The following GRIP1 variants were observed in gnomAD, a reference collection of about 807,000 sequenced individuals.
GRIP1 encodes the protein glutamate receptor-interacting protein 1.
A neutral mutation model predicts 129.9 loss-of-function variants in GRIP1; 45 were observed. The observed-to-expected ratio is 0.35, with a 90% CI of 0.27 to 0.44. The LOEUF is 0.44. GRIP1 is among the 20% of genes least tolerant of loss of function. GRIP1 has a pLI of 1.00. For missense variants in GRIP1, 1,196 were observed against 1,396.8 expected, an observed-to-expected ratio of 0.86 and a Z score of 2.29; for synonymous variants, 530 against 520.8, an observed-to-expected ratio of 1.02 and a Z score of -0.24.
chr12:66,626,244 G>A (rs559189427), intron 1 of GRIP1, among the ~76,000 whole-genome samples: 2 of 151,912 alleles, frequency 1.3e-5, no homozygotes, highest in East Asian at 3.9e-4. Context: ...GGAGGCTGAG[G>A]TGGGTGAATT....
chr12:66,426,445 T>C (rs2057990336), intron 14 of GRIP1, among the ~76,000 whole-genome samples: 2 of 152,154 alleles, frequency 1.3e-5, no homozygotes, highest in South Asian at 4.1e-4. Flanking sequence ...TTTCCCCCTC[T>C]GAATGTCATT....
chr12:66,553,711 C>T (rs75344639), intron 2 of GRIP1, among the ~76,000 whole-genome samples: 49 of 152,056 alleles, frequency 3.2e-4, no homozygotes, highest in South Asian at 6.3e-4. Flanking sequence ...TTCCCCATCC[C>T]GCATGTCTCA....
At chr12:66,908,522 G>A (rs554470339) in intron 1 of GRIP1, among the ~76,000 whole-genome samples, 21 of 152,272 alleles carry the variant, frequency 1.4e-4, no homozygotes, top group Non-Finnish European at 2.4e-4. Flanking sequence ...AATGGTAATG[G>A]GGTAGACACT....
chr12:66,481,236 A>C (rs2059795523), intron 7 of GRIP1, among the ~76,000 whole-genome samples: 1 of 144,906 alleles, frequency 6.9e-6, no homozygotes, highest in Admixed American at 7.0e-5. Flanking sequence ...ACAAAAAAAA[A>C]AAAACAAATT....
At chr12:66,616,936 C>T (rs1268032348) in intron 1 of GRIP1, among the ~76,000 whole-genome samples, 1 of 151,994 alleles carries the variant, frequency 6.6e-6, no homozygotes, top group African/African-American at 2.4e-5. Flanking sequence ...ATCAAAATAC[C>T]CATCTACTAG....
At chr12:66,530,251 T>G (rs1442250208) in intron 4 of GRIP1, among the ~76,000 whole-genome samples, 1 of 152,222 alleles carries the variant, frequency 6.6e-6, no homozygotes, top group Non-Finnish European at 1.5e-5. Flanking sequence ...AGTAGAATTG[T>G]TTTCCTTTTG....
intron 4 of GRIP1, among the ~76,000 whole-genome samples, chr12:66,538,530 A>G (rs952331516): frequency 6.6e-6 from 1 of 152,018 alleles, no homozygotes; most frequent in Non-Finnish European, 1.5e-5. Context: ...CCCTTATTTT[A>G]CTTAATAATG....
intron 16 of GRIP1, among the ~76,000 whole-genome samples, chr12:66,396,508 G>A (rs2056794116): frequency 6.6e-6 from 1 of 152,170 alleles, no homozygotes; most frequent in African/African-American, 2.4e-5. Flanking sequence ...ACGCAAAGAT[G>A]ACAAAATAAT....
At chr12:66,867,800 A>C (rs1018163102) in intron 1 of GRIP1, among the ~76,000 whole-genome samples, 1 of 152,138 alleles carries the variant, frequency 6.6e-6, no homozygotes, top group Non-Finnish European at 1.5e-5. Context: ...ATACTTCACA[A>C]CTTTCTGTAG....
At chr12:66,678,717 A>G (rs2034452306) in intron 1 of GRIP1, 133 bp downstream of exon 1, 3 of 798,096 alleles carry the variant, frequency 3.8e-6, no homozygotes, top group Non-Finnish European at 4.3e-6. Context: ...GTATCTATAC[A>G]TATTTCACTG....
intron 1 of GRIP1, among the ~76,000 whole-genome samples, chr12:66,821,216 T>C (rs2136984930): frequency 6.6e-6 from 1 of 152,354 alleles, no homozygotes; most frequent in East Asian, 1.9e-4. Context: ...AGCCCTTTTC[T>C]AGTATATATA....
intron 14 of GRIP1, among the ~76,000 whole-genome samples, chr12:66,421,750 T>C (rs1280430410): frequency 2.0e-5 from 3 of 151,986 alleles, no homozygotes; most frequent in Non-Finnish European, 4.4e-5. Context: ...TGTAATTTTA[T>C]TGAGTTTTTA....
chr12:66,894,494 GA>G (rs2040713744), intron 1 of GRIP1, among the ~76,000 whole-genome samples: 2 of 152,090 alleles, frequency 1.3e-5, no homozygotes, highest in Non-Finnish European at 2.9e-5. Flanking sequence ...TGCATTATAA[GA>G]ATAGAAACAA....
intron 1 of GRIP1, among the ~76,000 whole-genome samples, chr12:66,764,164 G>A (rs1336546670): frequency 6.6e-6 from 1 of 152,172 alleles, no homozygotes; most frequent in Non-Finnish European, 1.5e-5. Flanking sequence ...TTGTGTTTCT[G>A]GTCACAGAAA....
chr12:66,865,614 TCCATCCATCCAA>T (rs1274245313), intron 1 of GRIP1, among the ~76,000 whole-genome samples: 1 of 151,708 alleles, frequency 6.6e-6, no homozygotes, highest in Non-Finnish European at 1.5e-5. Flanking sequence ...CATCCAACCA[TCCATCCATCCAA>T]CCATCCATCC....
At chr12:66,848,162 T>C (rs1392879499) in intron 1 of GRIP1, among the ~76,000 whole-genome samples, 2 of 152,000 alleles carry the variant, frequency 1.3e-5, no homozygotes, top group Non-Finnish European at 2.9e-5. Context: ...AATCTTCAGT[T>C]CTTTCATTTC....
At chr12:67,015,601 G>C (rs1176423251) in intron 1 of GRIP1, among the ~76,000 whole-genome samples, 3 of 152,172 alleles carry the variant, frequency 2.0e-5, no homozygotes, top group Admixed American at 2.0e-4. Context: ...AGAGAGTGAG[G>C]AGGGAGGGAA....
At chr12:66,595,096 A>G (rs1282540937) in intron 2 of GRIP1, among the ~76,000 whole-genome samples, 1 of 152,202 alleles carries the variant, frequency 6.6e-6, no homozygotes, top group East Asian at 1.9e-4. Context: ...CACTCCTAAT[A>G]TCTCTGGCCC....
chr12:66,471,462 G>C (rs780975838), intron 7 of GRIP1, among the ~76,000 whole-genome samples: 5 of 152,090 alleles, frequency 3.3e-5, no homozygotes, highest in Non-Finnish European at 7.4e-5. Context: ...TTAGACAGAG[G>C]GAATATTTGC....
Sources: gnomAD v4.1 joint callset for allele counts (sites outside exome capture counted in the v4.1 genomes callset) on GRCh38, gnomAD v4.1.1 for gene constraint, MANE v1.5 for transcripts, NCBI Gene and HGNC (gene_info 2026-07-23, HGNC 2026-07-21) for gene names.